The following TMEM145 variants were observed in gnomAD, a reference collection of about 807,000 sequenced individuals.
TMEM145 encodes the protein transmembrane protein 145.
Under a neutral mutation model 68.5 loss-of-function variants are expected in TMEM145, and 46 were observed. That is an observed-to-expected ratio of 0.67 (90% CI 0.53 to 0.86). The LOEUF is 0.86. TMEM145 is among the 40% of genes least tolerant of loss of function. The pLI is 0.00. For synonymous variants in TMEM145, 255 were observed against 280.2 expected (o/e 0.91, Z 0.90); for missense variants, 570 against 645.8 (o/e 0.88, Z 1.27).
rs1396172000 is a variant in TMEM145 at position 42,324,949 on chromosome 19, C to T, written c.*132C>T. On this transcript the variant is annotated 3_prime_UTR_variant, in exon 15 of 15. Coordinates refer to ENST00000301204, the MANE Select transcript of TMEM145 (RefSeq NM_173633.3). ...AAACCCTCCCTCGGATCTGTGACCT[C>T]GGACCCGTACTCCATCTGCCGCATC... 1 of 1,288,954 alleles carries T rather than the reference C, an allele frequency of 7.8e-7. No individual in the cohort carries two copies. The highest frequency in any genetic ancestry group is 9.9e-7 in the Non-Finnish European group (1 of 1,014,934). The allele number at this position is 1,288,954 out of a possible 1,614,324, so 79.8% of individuals were successfully genotyped here.
At chr19:42,324,366 C>T (rs996545479) in intron 14 of TMEM145, 5 of 984,880 alleles carry the variant, frequency 5.1e-6, no homozygotes, top group Non-Finnish European at 1.2e-6. Flanking sequence ...GGCGCAGCCT[C>T]CCCCCCACTT....
At chr19:42,317,950 A>T in intron 12 of TMEM145, 69 bp downstream of exon 12, 1 of 1,548,060 alleles carries the variant, frequency 6.5e-7, no homozygotes, top group Non-Finnish European at 8.9e-7. Flanking sequence ...GTTGCCCCCC[A>T]TCTCAGACCC....
intron 12 of TMEM145, among the ~76,000 whole-genome samples, chr19:42,319,294 G>T (rs369350084): frequency 6.6e-6 from 1 of 152,168 alleles, no homozygotes; most frequent in East Asian, 1.9e-4. Context: ...CCTTTTAATG[G>T]GGATGGAAAT....
intron 12 of TMEM145, 90 bp from the exon 13 acceptor site, chr19:42,320,227 C>T (rs995423092): frequency 6.4e-7 from 1 of 1,558,156 alleles, no homozygotes; most frequent in Admixed American, 1.7e-5. Flanking sequence ...TGCCTGGGGT[C>T]TGCGTGTGTA....
Position 42,315,209 on chromosome 19 carries a change from C to A in TMEM145, c.527C>A (p.Thr176Asn). The change falls in exon 7 of 15, where the codon ACC becomes AAC. Residue 176 changes from threonine to asparagine, a missense_variant. By Grantham distance (65) the Thr-to-Asn change is moderately conservative. Transcript: ENST00000301204. The part of the protein sequence containing the change: ...DEFGILETDV[T>N]FLLIFILIFF... ...GCAGGGATCCTGGAGACAGATGTGA[C>A]CTTCCTCCTCATCTTCATCCTCATC... 1 of 1,608,158 alleles carries A rather than the reference C, an allele frequency of 6.2e-7. No homozygotes were observed. Among genetic ancestry groups the A allele is most frequent in the East Asian group, 2.2e-5 (1 of 44,796 alleles).
intron 12 of TMEM145, 132 bp from the exon 13 acceptor site, chr19:42,320,185 A>T (rs2038897802): frequency 8.1e-7 from 1 of 1,238,020 alleles, no homozygotes; most frequent in African/African-American, 1.5e-5. Context: ...TGGCTTCTGA[A>T]GGTCACACTG....
chr19:42,323,896 C>G, intron 14 of TMEM145, 107 bp downstream of exon 14: 1 of 991,132 alleles, frequency 1.0e-6, no homozygotes, highest in East Asian at 2.6e-5. Context: ...CCCCTGAGCC[C>G]TCCTCCTGCC....
chr19:42,316,213 G>C (rs2038855418), intron 8 of TMEM145, among the ~76,000 whole-genome samples: 1 of 129,582 alleles, frequency 7.7e-6, no homozygotes, highest in Admixed American at 7.9e-5. Context: ...GGGGGTGGGG[G>C]CCTGGACCCC....
At chr19:42,320,649 A>G (rs1469635855) in intron 13 of TMEM145, among the ~76,000 whole-genome samples, 3 of 148,320 alleles carry the variant, frequency 2.0e-5, no homozygotes. Context: ...TTTTTTCGAG[A>G]CAGAGTCTCA....
At chr19:42,324,154 C>G (rs2038943294) in intron 14 of TMEM145, 1 of 748,130 alleles carries the variant, frequency 1.3e-6, no homozygotes, top group African/African-American at 1.9e-5. Flanking sequence ...CAGTCCTTCC[C>G]TGACTGACAA....
intron 14 of TMEM145, chr19:42,324,408 G>A: frequency 2.0e-6 from 2 of 984,516 alleles, no homozygotes; most frequent in Non-Finnish European, 2.4e-6. Context: ...GCCGACTCGG[G>A]CTGGGACGGC....
intron 8 of TMEM145, 110 bp downstream of exon 8, chr19:42,315,550 G>A (rs1237342713): frequency 2.5e-6 from 3 of 1,191,942 alleles, no homozygotes; most frequent in South Asian, 2.6e-5. Context: ...TCCTGGGGGA[G>A]GAGGGGCTGG....
Position 42,318,008 on chromosome 19 carries a change from A to G in TMEM145, c.1073+127A>G, listed in dbSNP as rs1599982927. ...TTTCACTCAGGCAGCTGTTGCCCAG[A>G]ATCTGCCACTTACTCACTTTGTGAA... On this transcript the variant is annotated intron_variant, in intron 12 of 14. Coordinates refer to ENST00000301204, the MANE Select transcript of TMEM145 (RefSeq NM_173633.3). The G allele has an allele frequency of 2.0e-5, 21 of 1,030,016 alleles. No individual in the cohort carries two copies. In the East Asian group the frequency reaches 5.1e-4, roughly 25 times the overall value. The allele number at this position is 1,030,016 out of a possible 1,614,324, so 63.8% of individuals were successfully genotyped here.
Position 42,324,780 on chromosome 19 carries a change from GTGACCTCCGGCCCCC to G in TMEM145, c.1448_1462del (p.Asp483_Pro487del). ...CCGGATTCTGGGCTCCCGCTGTTCCGTGACCTCCGGCCCCCTGGCCCCCTTCGAGACCTCTGACCC... is the reference window on the plus strand; with the variant it reads ...CCGGATTCTGGGCTCCCGCTGTTCCGTGGCCCCCTTCGAGACCTCTGACCC... On this transcript the variant is annotated inframe_deletion, in exon 15 of 15. Coordinates refer to ENST00000301204, the MANE Select transcript of TMEM145 (RefSeq NM_173633.3). 6.4e-7 allele frequency: 1 copy of G among 1,566,528 alleles called. No homozygotes were observed. The highest frequency in any genetic ancestry group is 8.6e-7 in the Non-Finnish European group (1 of 1,164,264).
chr19:42,314,580 C>T (rs1481206070), intron 3 of TMEM145, 33 bp from the exon 4 acceptor site: 4 of 1,613,966 alleles, frequency 2.5e-6, no homozygotes, highest in African/African-American at 1.3e-5. Context: ...TCGTTGCTGG[C>T]CGGGGGAGTG....
In TMEM145 at chr19:42,324,872, T is replaced by TC; in HGVS notation, c.*57dup. On this transcript the variant is annotated 3_prime_UTR_variant, in exon 15 of 15. Coordinates refer to ENST00000301204, the MANE Select transcript of TMEM145 (RefSeq NM_173633.3). ...ACCGCCGGGACCCTGCCTGTGACTC[T>TC]CCAGGACTCTGCGACCCCGGGATGG... The TC allele has an allele frequency of 4.1e-6, 6 of 1,446,600 alleles. No homozygotes were observed. The South Asian group carries it at 8.6e-5, about 21-fold the overall frequency. The allele number at this position is 1,446,600 out of a possible 1,614,324, so 89.6% of individuals were successfully genotyped here.
At chr19:42,321,315 C>T (rs2038909373) in intron 13 of TMEM145, 1 of 393,408 alleles carries the variant, frequency 2.5e-6, no homozygotes, top group African/African-American at 2.1e-5. Context: ...ACCTCCACCT[C>T]CCAGGTTCTC....
rs781272242 is a variant in TMEM145, at chr19:42,320,401, G to T, written c.1158G>T (p.Gln386His). 2 of 1,614,156 alleles carry T rather than the reference G, an allele frequency of 1.2e-6. No individual in the cohort carries two copies. Among genetic ancestry groups the T allele is most frequent in the East Asian group, 4.5e-5 (2 of 44,888 alleles). The change falls in exon 13 of 15, where the codon CAG becomes CAT. Residue 386 changes from glutamine to histidine, a missense_variant. Gln to His is a conservative substitution (Grantham distance 24). Transcript: ENST00000301204. Reference protein sequence around the residue: ...WAREKIVNGIQLGIHLYAHGV... With the variant: ...WAREKIVNGIHLGIHLYAHGV... ...GGGAGAAGATTGTCAATGGCATCCA[G>T]CTGGGGATCCACTTGTACGCCCATG...
rs199698746 is a variant in TMEM145 at position 42,324,724 on chromosome 19, T to G, written c.1402-13T>G. ...GGTCCCGCGGGAGCCGCTCTCCCCG[T>G]CCCCTCCCTCAGCCCCTGCCCCGAG... On this transcript the variant is annotated splice_polypyrimidine_tract_variant and intron_variant, in intron 14 of 14. Coordinates refer to ENST00000301204, the MANE Select transcript of TMEM145 (RefSeq NM_173633.3). 2 of 1,352,412 alleles carry G rather than the reference T, an allele frequency of 1.5e-6. No individual in the cohort carries two copies. The highest frequency in any genetic ancestry group is 9.7e-7 in the Non-Finnish European group (1 of 1,032,724). 83.8% of individuals were successfully genotyped at this position (1,352,412 alleles called of 1,614,324 possible).
Sources: gnomAD v4.1 joint callset for allele counts (sites outside exome capture counted in the v4.1 genomes callset) on GRCh38, gnomAD v4.1.1 for gene constraint, MANE v1.5 for transcripts, NCBI Gene and HGNC (gene_info 2026-07-23, HGNC 2026-07-21) for gene names.